The following TTC17 variants were observed in gnomAD, a reference collection of about 807,000 sequenced individuals.
The protein encoded by TTC17 is tetratricopeptide repeat protein 17.
In TTC17, 58 loss-of-function variants were observed where a neutral mutation model predicts 143.8. The observed-to-expected ratio is 0.40, with a 90% CI of 0.33 to 0.50. The LOEUF (loss-of-function observed/expected upper bound fraction) is 0.50, where lower values mean the gene tolerates loss of function less well. TTC17 is among the 20% of genes least tolerant of loss of function. TTC17 has a pLI of 0.49. For missense variants in TTC17, 1,273 were observed against 1,392.5 expected (o/e 0.91, Z 1.37); for synonymous variants, 501 against 497.8 (o/e 1.01, Z -0.09).
chr11:43,400,201 C>T (rs1398326255), intron 9 of TTC17, among the ~76,000 whole-genome samples, 153 bp downstream of exon 9: 1 of 152,152 alleles, frequency 6.6e-6, no homozygotes. Flanking sequence ...TGTGGGTATA[C>T]CAGGAGGCCT....
chr11:43,367,461 A>T (rs918888122), intron 1 of TTC17, among the ~76,000 whole-genome samples: 3 of 152,204 alleles, frequency 2.0e-5, no homozygotes, highest in African/African-American at 7.2e-5. Flanking sequence ...GTAGATGAGA[A>T]ATGGCAGCTG....
At chr11:43,360,450 T>C (rs920558168) in intron 1 of TTC17, among the ~76,000 whole-genome samples, 1 of 152,214 alleles carries the variant, frequency 6.6e-6, no homozygotes, top group Non-Finnish European at 1.5e-5. Flanking sequence ...TTCTTTTGTT[T>C]CTTGATAGTG....
rs553066811 is a variant in TTC17 at position 43,378,958 on chromosome 11, A to G, written c.160-275A>G. ...GGAAGTTACTTTATCAATCATTGCC[A>G]AATACTTCTTTACTATTATATCACC... is the stretch of plus-strand genomic sequence containing the variant. On this transcript the variant is annotated intron_variant, in intron 1 of 23. Transcript: ENST00000039989. 7 of 336,442 alleles carry G rather than the reference A, an allele frequency of 2.1e-5. No individual in the cohort carries two copies. In the South Asian group the frequency reaches 2.7e-4, roughly 13 times the overall value. The allele number at this position is 336,442 out of a possible 1,614,324, so 20.8% of individuals were successfully genotyped here.
chr11:43,462,089 TAA>T (rs35082706), intron 21 of TTC17, among the ~76,000 whole-genome samples: 13 of 124,792 alleles, frequency 1.0e-4, no homozygotes, highest in East Asian at 2.6e-4. Flanking sequence ...TAGGCTAGAT[TAA>T]AAAAAAAAAA....
At position 43,407,477 on chromosome 11, in the gene TTC17, A is replaced by G. The variant is rs559637757; in HGVS notation, c.1964A>G (p.Asp655Gly). 7 of 1,614,028 alleles carry G rather than the reference A, an allele frequency of 4.3e-6. No homozygotes were observed. In the South Asian group the frequency reaches 5.5e-5, roughly 13 times the overall value. The change falls in exon 15 of 24, where the codon GAT becomes GGT. Residue 655 changes from aspartate to glycine, a missense_variant. By Grantham distance (94) the Asp-to-Gly change is moderately conservative. Transcript: ENST00000039989. ...ALNLAPLQYQDVPLVNLANLL... is the reference protein window; with the variant it reads ...ALNLAPLQYQGVPLVNLANLL... ...AATTTAGCTCCACTTCAATACCAAG[A>G]TGTTCCTCTTGTCAACTTGGCCAAC...
intron 1 of TTC17, among the ~76,000 whole-genome samples, chr11:43,369,484 A>G (rs1181794980): frequency 1.2e-4 from 18 of 152,188 alleles, no homozygotes; most frequent in African/African-American, 4.1e-4. Flanking sequence ...GAAAACAGGG[A>G]TATAAGGCCA....
chr11:43,474,146 T>G (rs1948142101), intron 21 of TTC17, among the ~76,000 whole-genome samples: 1 of 152,164 alleles, frequency 6.6e-6, no homozygotes, highest in African/African-American at 2.4e-5. Context: ...TCCCTGTGGA[T>G]GTACATTATG....
At chr11:43,390,962 A>G (rs1857362305) in intron 3 of TTC17, among the ~76,000 whole-genome samples, 1 of 152,138 alleles carries the variant, frequency 6.6e-6, no homozygotes, top group South Asian at 2.1e-4. Context: ...CCTATCTACT[A>G]TTTTCCCTGT....
chr11:43,416,629 G>T (rs1387669958), intron 16 of TTC17, among the ~76,000 whole-genome samples: 3 of 152,002 alleles, frequency 2.0e-5, no homozygotes, highest in Non-Finnish European at 2.9e-5. Context: ...ATATTATTGG[G>T]TCCAATATAA....
At position 43,473,719 on chromosome 11, in the gene TTC17, A is replaced by T. The variant is rs1325036625; in HGVS notation, c.3031-16520A>T. Among the ~76,000 whole-genome samples, 6 of 152,086 alleles carry T rather than the reference A, an allele frequency of 3.9e-5. No individual in the cohort carries two copies. The South Asian group carries it at 8.3e-4, about 21-fold the overall frequency. ...GTGAAACCCCATCTTCATTAAAAATAAAAAAATAAAAATAATTAGCTAGGC... is the reference window on the plus strand; with the variant it reads ...GTGAAACCCCATCTTCATTAAAAATTAAAAAATAAAAATAATTAGCTAGGC... On this transcript the variant is annotated intron_variant, in intron 21 of 23. Coordinates refer to ENST00000039989, the MANE Select transcript of TTC17 (RefSeq NM_018259.6).
intron 16 of TTC17, among the ~76,000 whole-genome samples, chr11:43,420,535 G>T (rs968597383): frequency 3.3e-5 from 5 of 152,106 alleles, no homozygotes; most frequent in African/African-American, 1.2e-4. Context: ...TTGCCACATA[G>T]CCTTCTATTT....
At chr11:43,440,787 T>C (rs1253973228) in intron 16 of TTC17, among the ~76,000 whole-genome samples, 2 of 152,168 alleles carry the variant, frequency 1.3e-5, no homozygotes, top group Admixed American at 6.5e-5. Context: ...ATCCTCTTCG[T>C]GACTTTCCCA....
intron 16 of TTC17, among the ~76,000 whole-genome samples, chr11:43,432,936 G>A (rs566687736): frequency 2.2e-4 from 33 of 152,146 alleles, no homozygotes; most frequent in Non-Finnish European, 3.8e-4. Flanking sequence ...AGCTACATAT[G>A]CAAATCACAT....
At chr11:43,415,585 C>T (rs1946760834) in intron 16 of TTC17, among the ~76,000 whole-genome samples, 1 of 152,052 alleles carries the variant, frequency 6.6e-6, no homozygotes, top group Non-Finnish European at 1.5e-5. Context: ...GATATTAGTT[C>T]AGCTCCTTCA....
rs1857768110 is a variant in TTC17, at chr11:43,399,755, A to T, written c.1059-133A>T. The T allele has an allele frequency of 7.3e-6, 6 of 816,810 alleles. No homozygotes were observed. The South Asian group carries it at 1.3e-4, about 18-fold the overall frequency. 50.6% of individuals were successfully genotyped at this position (816,810 alleles called of 1,614,324 possible). ...CCTAGTATTCTTGAACTGGTGATAC[A>T]GGGTTGTATGTTAAATAAAAGGAAA... On this transcript the variant is annotated intron_variant, in intron 8 of 23. Coordinates refer to ENST00000039989, the MANE Select transcript of TTC17 (RefSeq NM_018259.6).
At chr11:43,407,613 A>C (rs1209129970) in intron 15 of TTC17, 36 bp downstream of exon 15, 1 of 1,551,144 alleles carries the variant, frequency 6.4e-7, no homozygotes. Context: ...TCCGTATACT[A>C]TGTAGGGTAA....
intron 16 of TTC17, among the ~76,000 whole-genome samples, chr11:43,418,620 C>T (rs970860044): frequency 1.3e-5 from 2 of 151,838 alleles, no homozygotes; most frequent in African/African-American, 4.8e-5. Flanking sequence ...TGAATATAAG[C>T]AATGTCTATG....
chr11:43,460,576 T>C (rs907960308), intron 21 of TTC17, among the ~76,000 whole-genome samples: 2 of 152,234 alleles, frequency 1.3e-5, no homozygotes, highest in African/African-American at 4.8e-5. Context: ...TTCAGTTATC[T>C]TTTTCTGCCT....
intron 18 of TTC17, chr11:43,446,343 A>G (rs1371431669): frequency 6.8e-6 from 2 of 295,326 alleles, no homozygotes; most frequent in Non-Finnish European, 1.1e-5. Flanking sequence ...ATTGTTCTAT[A>G]TCTTCGCTCT....
Sources: allele counts gnomAD v4.1 joint callset (sites outside exome capture counted in the v4.1 genomes callset), GRCh38; gene constraint gnomAD v4.1.1; transcripts MANE v1.5; gene names NCBI Gene and HGNC (gene_info 2026-07-23, HGNC 2026-07-21).